Variants in CRISP2 observed in about 807,000 individuals in gnomAD.
The protein encoded by CRISP2 is cysteine rich secretory protein 2.
In CRISP2, 29 loss-of-function variants were observed where a neutral mutation model predicts 31.7. That is an observed-to-expected ratio of 0.92 (90% CI 0.68 to 1.25). CRISP2 has a LOEUF of 1.25. Ranked by LOEUF, CRISP2 falls within the 50% of genes most tolerant of loss-of-function variation. CRISP2 has a pLI of 0.00. For synonymous variants in CRISP2, 111 were observed against 101.4 expected, an observed-to-expected ratio of 1.09 and a Z score of -0.57; for missense variants, 318 against 286.5, an observed-to-expected ratio of 1.11 and a Z score of -0.79.
intron 4 of CRISP2, among the ~76,000 whole-genome samples, chr6:49,707,630 A>G (rs1767302215): frequency 6.6e-6 from 1 of 152,238 alleles, no homozygotes; most frequent in African/African-American, 2.4e-5. Flanking sequence ...TGAATGAATT[A>G]TCTGCACATT....
chr6:49,705,888 C>T (rs1183395101), intron 4 of CRISP2, among the ~76,000 whole-genome samples: 4 of 152,176 alleles, frequency 2.6e-5, no homozygotes, highest in African/African-American at 9.7e-5. Context: ...TTTCAGCTAT[C>T]TCACAGAGTT....
chr6:49,681,849 T>A, the CRISP2 span, among the ~76,000 whole-genome samples: 1 of 152,234 alleles, frequency 6.6e-6, no homozygotes, highest in South Asian at 2.1e-4. Context: ...TTTTGCCCTT[T>A]CCATTTGTCA....
chr6:49,698,342 T>C lies in CRISP2; in HGVS notation c.417+20A>G. On this transcript the variant is annotated intron_variant, in intron 7 of 9. Coordinates refer to ENST00000339139, the MANE Select transcript of CRISP2 (RefSeq NM_003296.4). ...TATTAGAACATCTGTGACATAGGTA[T>C]TTTCATGCATTCTTCTTACCTGAGT... is the stretch of plus-strand genomic sequence containing the variant. 7 of 1,611,964 alleles carry C rather than the reference T, an allele frequency of 4.3e-6. No homozygotes were observed. Among genetic ancestry groups the C allele is most frequent in the Non-Finnish European group, 5.9e-6 (7 of 1,178,858 alleles).
At chr6:49,697,407 G>GT (rs970345647) in intron 8 of CRISP2, among the ~76,000 whole-genome samples, 1 of 151,148 alleles carries the variant, frequency 6.6e-6, no homozygotes, top group African/African-American at 2.4e-5. Flanking sequence ...TGTGTGTGGT[G>GT]GTGTGTGTGT....
chr6:49,708,928 C>T (rs1420657244), intron 4 of CRISP2, among the ~76,000 whole-genome samples: 1 of 152,128 alleles, frequency 6.6e-6, no homozygotes, highest in East Asian at 1.9e-4. Flanking sequence ...TCACATGTGA[C>T]CGGTGGCTAG....
chr6:49,712,853 T>C (rs1239344439), intron 1 of CRISP2, among the ~76,000 whole-genome samples: 1 of 152,224 alleles, frequency 6.6e-6, no homozygotes, highest in Non-Finnish European at 1.5e-5. Flanking sequence ...CAGTAACTAC[T>C]AGTTGGCTAA....
chr6:49,702,035 C>G (rs1328833589), intron 4 of CRISP2, among the ~76,000 whole-genome samples: 1 of 100,774 alleles, frequency 9.9e-6, no homozygotes. Flanking sequence ...TATATGTATA[C>G]ATATATAAGT....
At chr6:49,691,035 A>G (rs916649278), downstream of CRISP2, among the ~76,000 whole-genome samples, 6 of 151,990 alleles carry the variant, frequency 3.9e-5, no homozygotes, top group Admixed American at 2.0e-4. Flanking sequence ...CTACTACCTG[A>G]AAGTATTTAT....
chr6:49,683,317 C>T, the CRISP2 span, among the ~76,000 whole-genome samples: 1 of 151,908 alleles, frequency 6.6e-6, no homozygotes, highest in South Asian at 2.1e-4. Flanking sequence ...CATGTTCACC[C>T]AACCAGGACC....
chr6:49,701,782 ATATG>A (rs1208501143), intron 4 of CRISP2, among the ~76,000 whole-genome samples: 41 of 107,022 alleles, frequency 3.8e-4, no homozygotes, highest in African/African-American at 1.4e-3. Flanking sequence ...TATGCATTAT[ATATG>A]TATGTATGTA....
chr6:49,707,695 T>C (rs1210398590), intron 4 of CRISP2, among the ~76,000 whole-genome samples: 1 of 152,210 alleles, frequency 6.6e-6, no homozygotes, highest in Non-Finnish European at 1.5e-5. Flanking sequence ...AAATGAAGTT[T>C]GAACTGAGTG....
In CRISP2 at chr6:49,699,907, A is replaced by T. The variant is rs775353902; in HGVS notation, c.184-16T>A. The T allele has an allele frequency of 6.2e-7, 1 of 1,608,710 alleles. No homozygotes were observed. Among genetic ancestry groups the T allele is most frequent in the African/African-American group, 1.3e-5 (1 of 74,746 alleles). ...TGCTCCATTCCTAAACGTCACAAGA[A>T]AACAAAATACACTTAATGATTCAGC... On this transcript the variant is annotated splice_polypyrimidine_tract_variant and intron_variant, in intron 5 of 9. Coordinates refer to ENST00000339139, the MANE Select transcript of CRISP2 (RefSeq NM_003296.4).
the CRISP2 span, among the ~76,000 whole-genome samples, chr6:49,679,956 G>T: frequency 0.74 from 112,227 of 152,144 alleles, 42,200 homozygotes; most frequent in East Asian, 0.97. Context: ...TCCACCAGCT[G>T]TGGCCTTCCA....
downstream of CRISP2, among the ~76,000 whole-genome samples, chr6:49,691,706 A>G (rs747168652): frequency 6.6e-6 from 1 of 152,028 alleles, no homozygotes; most frequent in Non-Finnish European, 1.5e-5. Flanking sequence ...AAACTGTAAA[A>G]TTGCTATTAA....
intron 9 of CRISP2, among the ~76,000 whole-genome samples, chr6:49,695,143 C>T (rs1764535982): frequency 1.3e-5 from 2 of 152,112 alleles, no homozygotes; most frequent in South Asian, 4.1e-4. Flanking sequence ...AGTATCCCAA[C>T]TACAGAAAGC....
At chr6:49,700,864 A>G (rs1474391332) in intron 4 of CRISP2, 80 bp from the exon 5 acceptor site, 1 of 890,888 alleles carries the variant, frequency 1.1e-6, no homozygotes, top group African/African-American at 1.7e-5. Context: ...ATTCAAGAGA[A>G]CAAAGGTCAC....
chr6:49,704,287 G>C (rs1472914544), intron 4 of CRISP2, among the ~76,000 whole-genome samples: 1 of 151,678 alleles, frequency 6.6e-6, no homozygotes, highest in African/African-American at 2.4e-5. Context: ...TTTTGAGTTG[G>C]TTTTCACCTT....
intron 2 of CRISP2, among the ~76,000 whole-genome samples, chr6:49,711,884 A>G (rs360548): frequency 0.17 from 26,160 of 152,092 alleles, 2,898 homozygotes; most frequent in African/African-American, 0.32. Context: ...TAACACCTCT[A>G]ATACAATAAA....
chr6:49,685,525 A>G, the CRISP2 span, among the ~76,000 whole-genome samples: 15 of 152,278 alleles, frequency 9.9e-5, no homozygotes, highest in African/African-American at 3.4e-4. Flanking sequence ...CTCCTTTCTC[A>G]TATGTTTAAA....
Sources: allele counts gnomAD v4.1 joint callset (sites outside exome capture counted in the v4.1 genomes callset), GRCh38; gene constraint gnomAD v4.1.1; transcripts MANE v1.5; gene names NCBI Gene and HGNC (gene_info 2026-07-23, HGNC 2026-07-21).